Variants in KIRREL3 observed in about 807,000 individuals in gnomAD.
KIRREL3 encodes kirre like nephrin family adhesion molecule 3.
KIRREL3 carries 36 observed loss-of-function variants against 89.7 expected under a neutral mutation model. That is an observed-to-expected ratio of 0.40 (90% CI 0.31 to 0.53). The LOEUF (loss-of-function observed/expected upper bound fraction) is 0.53, where lower values mean the gene tolerates loss of function less well. Among genes scored for constraint, KIRREL3 ranks in the 20% least tolerant of loss-of-function variants. The pLI, the probability that KIRREL3 is intolerant of heterozygous loss-of-function variation, is 0.49. For missense variants in KIRREL3, 864 were observed against 1,056.6 expected (o/e 0.82, Z 2.53); for synonymous variants, 445 against 441.4 (o/e 1.01, Z -0.10).
At chr11:126,945,954 A>G (rs941482191) in intron 1 of KIRREL3, among the ~76,000 whole-genome samples, 1 of 152,186 alleles carries the variant, frequency 6.6e-6, no homozygotes. Context: ...CCAAACACTG[A>G]GCATCCACCA....
rs906406476 is a variant in KIRREL3, at chr11:126,802,339, C to T, written c.55+198116G>A. Among the ~76,000 whole-genome samples the T allele has an allele frequency of 2.0e-5, 3 of 152,108 alleles. No individual in the cohort carries two copies. The highest frequency in any genetic ancestry group is 3.2e-3 in the Middle Eastern group (1 of 316). On this transcript the variant is annotated intron_variant, in intron 1 of 16. Coordinates refer to ENST00000525144, the MANE Select transcript of KIRREL3 (RefSeq NM_032531.4). This position sits in a 1 kb window ranked among gnomAD's most constrained non-coding sequence, Gnocchi z 5.2. Reference sequence around the variant, plus strand: ...CCAGGGAGATGGCGTTAGTGCCAGGCGGCCCGTGGAGAAAAGCTTTCGCTA... The same window carrying T: ...CCAGGGAGATGGCGTTAGTGCCAGGTGGCCCGTGGAGAAAAGCTTTCGCTA...
At chr11:126,707,246 C>CTT (rs33983436) in intron 1 of KIRREL3, among the ~76,000 whole-genome samples, 1 of 112,600 alleles carries the variant, frequency 8.9e-6, no homozygotes, top group Non-Finnish European at 1.8e-5. Flanking sequence ...TTGTCCATGG[C>CTT]TTTTTTTTTT....
At chr11:126,584,254 T>C (rs945186561) in intron 1 of KIRREL3, among the ~76,000 whole-genome samples, 1 of 152,152 alleles carries the variant, frequency 6.6e-6, no homozygotes, top group Non-Finnish European at 1.5e-5. Context: ...GTGTGGACAG[T>C]TGGTGCCCCG....
intron 11 of KIRREL3, among the ~76,000 whole-genome samples, chr11:126,439,748 G>A (rs951107629): frequency 2.0e-5 from 3 of 151,790 alleles, no homozygotes; most frequent in African/African-American, 4.8e-5. Flanking sequence ...GAACTGGGAG[G>A]TGGAGGTTGC....
At chr11:126,915,614 A>G (rs1482475514) in intron 1 of KIRREL3, among the ~76,000 whole-genome samples, 2 of 152,150 alleles carry the variant, frequency 1.3e-5, no homozygotes, top group African/African-American at 4.8e-5. Context: ...TGAAGAGTGG[A>G]ACTGTAGTGT....
At position 126,996,366 on chromosome 11, in the gene KIRREL3, C is replaced by A. The variant is rs546432561; in HGVS notation, c.55+4089G>T. Among the ~76,000 whole-genome samples the A allele has an allele frequency of 6.6e-6, 1 of 152,134 alleles. No individual in the cohort carries two copies. The highest frequency in any genetic ancestry group is 2.1e-4 in the South Asian group (1 of 4,822). On this transcript the variant is annotated intron_variant, in intron 1 of 16. Coordinates refer to ENST00000525144, the MANE Select transcript of KIRREL3 (RefSeq NM_032531.4). This position sits in a 1 kb window ranked among gnomAD's most constrained non-coding sequence, Gnocchi z 4.7. ...GTTTCCAAAGTTGCTGTTCACTCCC[C>A]ACTTTGTTTGCTGATTCCTTCTCTG... is the stretch of plus-strand genomic sequence containing the variant.
intron 2 of KIRREL3, among the ~76,000 whole-genome samples, chr11:126,540,194 C>T (rs1938247107): frequency 6.6e-6 from 1 of 152,220 alleles, no homozygotes; most frequent in African/African-American, 2.4e-5. Flanking sequence ...TCCATCCCAG[C>T]ATCGCCACCT....
At chr11:126,625,461 A>G (rs1352590243) in intron 1 of KIRREL3, among the ~76,000 whole-genome samples, 2 of 152,118 alleles carry the variant, frequency 1.3e-5, no homozygotes, top group Non-Finnish European at 2.9e-5. Flanking sequence ...AGACTGCCCA[A>G]TCTTTCCTAC....
chr11:126,431,235 GCCAGGCGCCATGTTGC>G lies in KIRREL3; in HGVS notation c.1696+168_1696+183del, dbSNP rs987122103. The stretch of plus-strand genomic sequence containing the variant: ...TCAACCTCAGCCTAGCGCCCACTCT[GCCAGGCGCCATGTTGC>G]CCAGGCTCACATACACCGATGCATC... On this transcript the variant is annotated intron_variant, in intron 14 of 16. Transcript: ENST00000525144. This position sits in a 1 kb window ranked among gnomAD's most constrained non-coding sequence, Gnocchi z 7.1. 1 of 1,518,458 alleles carries G rather than the reference GCCAGGCGCCATGTTGC, an allele frequency of 6.6e-7. No individual in the cohort carries two copies. Among genetic ancestry groups the G allele is most frequent in the African/African-American group, 1.4e-5 (1 of 72,594 alleles). The allele number at this position is 1,518,458 out of a possible 1,614,324, so 94.1% of individuals were successfully genotyped here. A position where few individuals can be genotyped will look rare whatever the true frequency, so the allele number is the denominator to read the frequency against.
chr11:126,957,873 A>G (rs1457916909), intron 1 of KIRREL3, among the ~76,000 whole-genome samples: 1 of 152,198 alleles, frequency 6.6e-6, no homozygotes, highest in Admixed American at 6.5e-5. Flanking sequence ...CATCTCAAGG[A>G]ACTTCTGTTT....
At position 126,608,926 on chromosome 11, in the gene KIRREL3, C is replaced by G. The variant is rs547306633; in HGVS notation, c.56-46014G>C. Among the ~76,000 whole-genome samples the G allele has an allele frequency of 7.4e-4, 113 of 152,266 alleles. No individual in the cohort carries two copies. The highest frequency in any genetic ancestry group is 2.6e-3 in the African/African-American group (107 of 41,542). On this transcript the variant is annotated intron_variant, in intron 1 of 16. Coordinates refer to ENST00000525144, the MANE Select transcript of KIRREL3 (RefSeq NM_032531.4). This position sits in a 1 kb window ranked among gnomAD's most constrained non-coding sequence, Gnocchi z 4.9. ...TCTGGAGCCCAGCTTGCTGTTAGCCCTGAGAAACAAGTGACTTCCTGTGGG... is the reference window on the plus strand; with the variant it reads ...TCTGGAGCCCAGCTTGCTGTTAGCCGTGAGAAACAAGTGACTTCCTGTGGG...
intron 1 of KIRREL3, among the ~76,000 whole-genome samples, chr11:126,707,869 A>C (rs1361598245): frequency 4.8e-5 from 7 of 147,048 alleles, no homozygotes; most frequent in African/African-American, 7.6e-5. Flanking sequence ...GAATCCTTCC[A>C]CTCTGGGCCA....
Position 126,867,516 on chromosome 11 carries a change from C to T in KIRREL3, c.55+132939G>A, listed in dbSNP as rs1565367447. 6.6e-6 allele frequency among the ~76,000 whole-genome samples: 1 copy of T among 152,232 alleles called. No homozygotes were observed. Among genetic ancestry groups the T allele is most frequent in the Non-Finnish European group, 1.5e-5 (1 of 68,044 alleles). The stretch of plus-strand genomic sequence containing the variant: ...TCAGCCAGCCCTTTCTGATAAGTCA[C>T]TTCCCCAAACTTCCATAGCACTTCA... On this transcript the variant is annotated intron_variant, in intron 1 of 16. Coordinates refer to ENST00000525144, the MANE Select transcript of KIRREL3 (RefSeq NM_032531.4). This position sits in a 1 kb window ranked among gnomAD's most constrained non-coding sequence, Gnocchi z 4.7.
At position 126,981,149 on chromosome 11, in the gene KIRREL3, G is replaced by C. The variant is rs1055157685; in HGVS notation, c.55+19306C>G. On this transcript the variant is annotated intron_variant, in intron 1 of 16. Transcript: ENST00000525144. The surrounding 1 kb of genome is among the most constrained non-coding windows in gnomAD (Gnocchi z 4.2). ...ATATTTGAAGCCTAATACCACAAAC[G>C]TACCTCTCTGGACAAACTGTCACCT... 6.6e-6 allele frequency among the ~76,000 whole-genome samples: 1 copy of C among 152,152 alleles called. No individual in the cohort carries two copies. Among genetic ancestry groups the C allele is most frequent in the Non-Finnish European group, 1.5e-5 (1 of 68,032 alleles).
chr11:126,835,713 T>C (rs1268744286), intron 1 of KIRREL3, among the ~76,000 whole-genome samples: 1 of 152,222 alleles, frequency 6.6e-6, no homozygotes, highest in Non-Finnish European at 1.5e-5. Flanking sequence ...AGTGTGGTGT[T>C]GTAAAGAATA....
Position 126,729,786 on chromosome 11 carries a change from G to A in KIRREL3, c.56-166874C>T, listed in dbSNP as rs1565684223. Among the ~76,000 whole-genome samples the A allele has an allele frequency of 6.6e-6, 1 of 152,170 alleles. No homozygotes were observed. The highest frequency in any genetic ancestry group is 1.5e-5 in the Non-Finnish European group (1 of 68,034). ...AGGTTTCTGTGTCCAGAAGCACAAT[G>A]GAGGGAGCCCCTGATCATAATCACT... On this transcript the variant is annotated intron_variant, in intron 1 of 16. Transcript: ENST00000525144. This position sits in a 1 kb window ranked among gnomAD's most constrained non-coding sequence, Gnocchi z 4.5.
At chr11:126,836,819 C>T (rs1421455668) in intron 1 of KIRREL3, among the ~76,000 whole-genome samples, 1 of 152,170 alleles carries the variant, frequency 6.6e-6, no homozygotes, top group African/African-American at 2.4e-5. Flanking sequence ...TTCCCTGAAC[C>T]TGGTGGTCAT....
chr11:126,717,148 G>A (rs191882401), intron 1 of KIRREL3, among the ~76,000 whole-genome samples: 3 of 152,208 alleles, frequency 2.0e-5, no homozygotes, highest in Admixed American at 1.3e-4. Flanking sequence ...AGACCTTCAC[G>A]CTGGTCCTTA....
intron 1 of KIRREL3, among the ~76,000 whole-genome samples, chr11:126,573,155 C>A (rs748731978): frequency 1.3e-5 from 2 of 152,180 alleles, no homozygotes; most frequent in African/African-American, 4.8e-5. Context: ...GGGGACAGCA[C>A]GTCCTTGCCC....
Sources: allele counts gnomAD v4.1 joint callset (sites outside exome capture counted in the v4.1 genomes callset), GRCh38; gene constraint gnomAD v4.1.1; non-coding constraint Gnocchi (gnomAD v3.1); transcripts MANE v1.5; gene names NCBI Gene and HGNC (gene_info 2026-07-23, HGNC 2026-07-21).